HFM1: variants seen among roughly 807,000 people sequenced by gnomAD.
The protein encoded by HFM1 is helicase for meiosis 1, also known as probable ATP-dependent DNA helicase HFM1.
In HFM1, 169 loss-of-function variants were observed where a neutral mutation model predicts 192.1. The ratio of observed to expected loss-of-function variants is 0.88; its 90% CI spans 0.78 to 1.00. The LOEUF (loss-of-function observed/expected upper bound fraction) is 1.00, where lower values mean the gene tolerates loss of function less well. Among genes scored for constraint, HFM1 ranks in the 50% least tolerant of loss-of-function variants. HFM1 has a pLI of 0.00. For synonymous variants in HFM1, 525 were observed against 537.8 expected (o/e 0.98, Z 0.33); for missense variants, 1,661 against 1,668.0 (o/e 1.00, Z 0.07).
intron 13 of HFM1, among the ~76,000 whole-genome samples, chr1:91,354,504 C>A (rs1296997147): frequency 6.6e-6 from 1 of 152,042 alleles, no homozygotes; most frequent in South Asian, 2.1e-4. Context: ...AATCACCAAA[C>A]ACGTTCAAAC....
chr1:91,261,465 T>C (rs1022377463), intron 38 of HFM1, 106 bp from the exon 39 acceptor site: 8 of 487,156 alleles, frequency 1.6e-5, no homozygotes, highest in African/African-American at 1.2e-4. Flanking sequence ...AACTTGAAGA[T>C]TGCTATGAAG....
intron 30 of HFM1, among the ~76,000 whole-genome samples, chr1:91,290,952 C>G (rs1295251887): frequency 6.6e-6 from 1 of 152,190 alleles, no homozygotes; most frequent in Non-Finnish European, 1.5e-5. Context: ...TAAATGACTA[C>G]TGGGTACATA....
At chr1:91,382,724 C>T (rs1661697945) in intron 6 of HFM1, among the ~76,000 whole-genome samples, 1 of 152,196 alleles carries the variant, frequency 6.6e-6, no homozygotes, top group Admixed American at 6.6e-5. Flanking sequence ...TAGATAGTTC[C>T]ATATCATTCA....
intron 4 of HFM1, among the ~76,000 whole-genome samples, chr1:91,392,484 A>G (rs1663125946): frequency 6.6e-6 from 1 of 152,166 alleles, no homozygotes; most frequent in Non-Finnish European, 1.5e-5. Flanking sequence ...TTCTGAGCAA[A>G]CTGTCGTAAG....
chr1:91,306,200 G>A (rs1031964737), intron 30 of HFM1, among the ~76,000 whole-genome samples: 1 of 152,058 alleles, frequency 6.6e-6, no homozygotes, highest in African/African-American at 2.4e-5. Flanking sequence ...GGGCGTGGTG[G>A]TGCATGCCTG....
chr1:91,315,878 G>C lies in HFM1; in HGVS notation c.3077C>G (p.Ser1026Cys), dbSNP rs759132786. 1 of 1,610,598 alleles carries C rather than the reference G, an allele frequency of 6.2e-7. No homozygotes were observed. The highest frequency in any genetic ancestry group is 2.2e-5 in the East Asian group (1 of 44,732). Residue 1026 changes from serine (S) to cysteine (C), a missense_variant, in exon 28 of 39, where the codon TCT (serine) becomes TGT (cysteine). Coordinates refer to ENST00000370425, the MANE Select transcript of HFM1 (RefSeq NM_001017975.6). ...ACCTATGATTAAGGTAACATAGTGA[G>C]AATCCGATGCTGTTCTTTTAGTTTG... ...QLQTKRTASD[S>C]HYVTLIIGDA...
chr1:91,393,583 T>C (rs1663271370), intron 4 of HFM1, among the ~76,000 whole-genome samples: 1 of 152,140 alleles, frequency 6.6e-6, no homozygotes, highest in Admixed American at 6.5e-5. Flanking sequence ...TCCTAAATAA[T>C]TCTGGATTGT....
intron 23 of HFM1, among the ~76,000 whole-genome samples, chr1:91,321,232 T>C (rs896913642): frequency 5.3e-5 from 8 of 152,078 alleles, no homozygotes; most frequent in Non-Finnish European, 1.2e-4. Context: ...ACCTTTGAGG[T>C]CAGGAGTTTG....
intron 20 of HFM1, among the ~76,000 whole-genome samples, chr1:91,336,844 A>G (rs1412174578): frequency 2.0e-5 from 3 of 152,214 alleles, no homozygotes; most frequent in African/African-American, 4.8e-5. Flanking sequence ...ATCCCCATCA[A>G]TGAAAGACTG....
intron 30 of HFM1, among the ~76,000 whole-genome samples, chr1:91,277,506 G>T (rs865925514): frequency 1.5e-5 from 2 of 134,094 alleles, no homozygotes; most frequent in Non-Finnish European, 3.1e-5. Flanking sequence ...CTCCCTGGTG[G>T]GTGTGTGTGT....
Position 91,319,401 on chromosome 1 carries a change from G to GA in HFM1, c.2583-12dup, listed in dbSNP as rs1164432226. 23 of 1,557,036 alleles carry GA rather than the reference G, an allele frequency of 1.5e-5. No homozygotes were observed. Among genetic ancestry groups the GA allele is most frequent in the East Asian group, 2.2e-5 (1 of 44,580 alleles). ...TGAGCCTGAATAAGACTGGGGGAAA[G>GA]AAAAAAAATTGTTACTCCCTTTTAA... On this transcript the variant is annotated splice_polypyrimidine_tract_variant and intron_variant, in intron 23 of 38. Transcript: ENST00000370425.
upstream of HFM1, among the ~76,000 whole-genome samples, chr1:91,407,938 G>A (rs1405798246): frequency 6.6e-6 from 1 of 152,040 alleles, no homozygotes; most frequent in Non-Finnish European, 1.5e-5. Context: ...TTAGTCTCAG[G>A]CTGGGCAACA....
chr1:91,367,182 C>T (rs1659457635), intron 13 of HFM1, among the ~76,000 whole-genome samples: 1 of 152,198 alleles, frequency 6.6e-6, no homozygotes, highest in Non-Finnish European at 1.5e-5. Context: ...CCTCTGGGGG[C>T]AGGGCATAGC....
At chr1:91,353,635 T>C (rs370860998) in intron 13 of HFM1, among the ~76,000 whole-genome samples, 10 of 121,910 alleles carry the variant, frequency 8.2e-5, no homozygotes, top group African/African-American at 1.5e-4. Context: ...AAAACTACTA[T>C]ATTACTAGTA....
At chr1:91,407,705 T>C (rs999291749), upstream of HFM1, among the ~76,000 whole-genome samples, 3 of 152,248 alleles carry the variant, frequency 2.0e-5, no homozygotes, top group Non-Finnish European at 4.4e-5. Context: ...TTGTGAATAA[T>C]GCTTCTATGA....
intron 2 of HFM1, among the ~76,000 whole-genome samples, chr1:91,398,169 T>C (rs1477097646): frequency 1.3e-5 from 2 of 152,218 alleles, no homozygotes; most frequent in Non-Finnish European, 1.5e-5. Context: ...AACTCTTTTC[T>C]ACACAAGGAC....
At chr1:91,365,957 G>C (rs1191541505) in intron 13 of HFM1, among the ~76,000 whole-genome samples, 3 of 118,850 alleles carry the variant, frequency 2.5e-5, no homozygotes, top group Non-Finnish European at 5.1e-5. Context: ...CTCTAACTCC[G>C]GTATGTTCCT....
At chr1:91,271,221 T>C (rs966797620) in intron 34 of HFM1, among the ~76,000 whole-genome samples, 5 of 152,128 alleles carry the variant, frequency 3.3e-5, no homozygotes, top group Admixed American at 1.3e-4. Context: ...CAGGGAAGTC[T>C]ACCTTTTTCC....
chr1:91,378,001 A>C, intron 11 of HFM1, 24 bp downstream of exon 11: 1 of 1,598,886 alleles, frequency 6.3e-7, no homozygotes, highest in Non-Finnish European at 8.5e-7. Context: ...AAAACCTAAG[A>C]GCTCAGTTAA....
Sources: allele counts gnomAD v4.1 joint callset (sites outside exome capture counted in the v4.1 genomes callset), GRCh38; gene constraint gnomAD v4.1.1; transcripts MANE v1.5; gene names NCBI Gene and HGNC (gene_info 2026-07-23, HGNC 2026-07-21).